The following CHD1L variants were observed in gnomAD, a reference collection of about 807,000 sequenced individuals.
CHD1L encodes the protein chromodomain helicase DNA binding protein 1 like.
A neutral mutation model predicts 115.9 loss-of-function variants in CHD1L; 118 were observed. The ratio of observed to expected loss-of-function variants is 1.02; its 90% CI spans 0.88 to 1.19. The LOEUF (loss-of-function observed/expected upper bound fraction) is 1.19, where lower values mean the gene tolerates loss of function less well. CHD1L is among the 50% of genes most tolerant of loss of function. The probability of loss-of-function intolerance (pLI) is 0.00; values close to 1 mark genes in which losing one functional copy is unlikely to be tolerated. For missense variants in CHD1L, 1,179 were observed against 1,065.3 expected, an observed-to-expected ratio of 1.11 and a Z score of -1.49; for synonymous variants, 411 against 387.1, an observed-to-expected ratio of 1.06 and a Z score of -0.72.
the CHD1L span, chr1:147,203,378 C>A: frequency 9.3e-7 from 1 of 1,080,588 alleles, no homozygotes; most frequent in East Asian, 2.4e-5. Context: ...ACAGTGACTG[C>A]AGCATTAGCA....
intron 8 of CHD1L, among the ~76,000 whole-genome samples, chr1:147,266,757 A>T (rs1438891347): frequency 2.0e-5 from 3 of 152,252 alleles, no homozygotes; most frequent in Non-Finnish European, 4.4e-5. Flanking sequence ...AAAAAAGGTT[A>T]AAGTTCTCAA....
In CHD1L at chr1:147,285,447, GAGA is replaced by G. The variant is rs782433438; in HGVS notation, c.1985_1987del (p.Lys662del). The G allele has an allele frequency of 2.0e-5, 32 of 1,613,486 alleles. No individual in the cohort carries two copies. The highest frequency in any genetic ancestry group is 4.5e-5 in the East Asian group (2 of 44,890). On this transcript the variant is annotated inframe_deletion, in exon 17 of 23. Transcript: ENST00000369258. Reference sequence around the variant, plus strand: ...TGCCAAGAGAAGGAGACTCATAGAGGAGAAGAAGAGGCAAAAGGAAGAGGCTGA... The same window carrying G: ...TGCCAAGAGAAGGAGACTCATAGAGGAGAAGAGGCAAAAGGAAGAGGCTGA...
intron 10 of CHD1L, 33 bp from the exon 11 acceptor site, chr1:147,270,899 C>CT (rs1675912631): frequency 1.3e-6 from 2 of 1,594,218 alleles, no homozygotes; most frequent in Admixed American, 3.3e-5. Flanking sequence ...TACCACTAGA[C>CT]TTGGCAGTGT....
At chr1:147,233,040 A>C in the CHD1L span, among the ~76,000 whole-genome samples, 25 of 151,114 alleles carry the variant, frequency 1.7e-4, no homozygotes, top group East Asian at 3.6e-3. Context: ...CCGCCATCCC[A>C]TCTAGGAAGT....
intron 14 of CHD1L, 87 bp downstream of exon 14, chr1:147,276,344 C>CAGCCA (rs1553120384): frequency 0.67 from 940,069 of 1,395,194 alleles, 319,026 homozygotes; most frequent in African/African-American, 0.7. Flanking sequence ...CAGCACTCAC[C>CAGCCA]CTCTCCCCAG....
At chr1:147,259,766 T>C in intron 5 of CHD1L, 71 bp from the exon 6 acceptor site, 1 of 1,300,356 alleles carries the variant, frequency 7.7e-7, no homozygotes, top group South Asian at 1.2e-5. Context: ...CACAGTTTTG[T>C]AGTAAGACTT....
the CHD1L span, among the ~76,000 whole-genome samples, chr1:147,202,128 C>T: frequency 1.3e-5 from 2 of 152,086 alleles, no homozygotes; most frequent in African/African-American, 4.8e-5. Context: ...GAATTTATCT[C>T]AAAGTTGTTT....
At chr1:147,249,208 G>T (rs1482263399) in intron 1 of CHD1L, among the ~76,000 whole-genome samples, 1 of 152,030 alleles carries the variant, frequency 6.6e-6, no homozygotes, top group African/African-American at 2.4e-5. Context: ...TGGATTGACA[G>T]TTCTTTTCTT....
intron 1 of CHD1L, among the ~76,000 whole-genome samples, chr1:147,248,253 G>C (rs1421771579): frequency 6.6e-6 from 1 of 151,062 alleles, no homozygotes; most frequent in Non-Finnish European, 1.5e-5. Flanking sequence ...TGTTGCCCAG[G>C]CTGGAGTGCA....
chr1:147,280,894 G>A (rs1033703287), intron 15 of CHD1L, among the ~76,000 whole-genome samples: 1 of 152,150 alleles, frequency 6.6e-6, no homozygotes, highest in Non-Finnish European at 1.5e-5. Context: ...GGGGTGAGAG[G>A]TTTGGGAGTC....
the CHD1L span, chr1:147,204,752 C>G: frequency 6.5e-7 from 1 of 1,531,322 alleles, no homozygotes; most frequent in East Asian, 2.2e-5. Flanking sequence ...AACAACTTCT[C>G]CAAGTGGTTG....
the CHD1L span, chr1:147,179,742 A>G: frequency 1.5e-6 from 1 of 648,992 alleles, no homozygotes. Flanking sequence ...AGAGGACAGA[A>G]TGGATATAAT....
chr1:147,256,839 T>C (rs1670327244), intron 5 of CHD1L, among the ~76,000 whole-genome samples: 1 of 152,216 alleles, frequency 6.6e-6, no homozygotes, highest in Non-Finnish European at 1.5e-5. Context: ...TTACGAAAAT[T>C]AAATGAGATT....
rs781878161 is a variant in CHD1L at position 147,252,675 on chromosome 1, C to T, written c.180C>T (p.Arg60=). The change falls in exon 2 of 23, where the codon CGC becomes CGT. Residue 60 remains arginine, a synonymous_variant. Transcript: ENST00000369258. ...QLEGVNWLAQ[R]FHCQNGCILG... is the part of the protein sequence containing the mutation. The stretch of plus-strand genomic sequence containing the variant: ...AGGGAGTAAACTGGCTCGCCCAGCG[C>T]TTCCATTGTCAGAATGGCTGTATCC... 1.2e-6 allele frequency: 2 copies of T among 1,614,128 alleles called. No homozygotes were observed. Among genetic ancestry groups the T allele is most frequent in the Non-Finnish European group, 1.7e-6 (2 of 1,180,018 alleles).
chr1:147,270,261 C>T (rs1553951879), intron 10 of CHD1L, among the ~76,000 whole-genome samples: 1 of 152,204 alleles, frequency 6.6e-6, no homozygotes, highest in African/African-American at 2.4e-5. Flanking sequence ...CAGCCAGTAA[C>T]AAGGGACTCT....
the CHD1L span, chr1:147,184,388 A>G: frequency 4.9e-6 from 6 of 1,229,288 alleles, no homozygotes; most frequent in Non-Finnish European, 6.4e-6. This position sits in a 1 kb window ranked among gnomAD's most constrained non-coding sequence, Gnocchi z 4.4. Context: ...ATATTGATAC[A>G]TTATTAACCA....
chr1:147,210,571 A>G, the CHD1L span: 1 of 152,180 alleles, frequency 6.6e-6, no homozygotes, highest in African/African-American at 2.4e-5. Context: ...AAGAGCATAT[A>G]TGGTCTTAGA....
the CHD1L span, among the ~76,000 whole-genome samples, chr1:147,187,839 A>G: frequency 6.6e-6 from 1 of 152,196 alleles, no homozygotes; most frequent in African/African-American, 2.4e-5. Context: ...TAAAGGGGAA[A>G]ATGTGGTTGA....
At chr1:147,218,682 T>G in the CHD1L span, among the ~76,000 whole-genome samples, 1 of 152,210 alleles carries the variant, frequency 6.6e-6, no homozygotes, top group Admixed American at 6.5e-5. Flanking sequence ...CATTTCACAA[T>G]CTAGCCCGGT....
Sources: gnomAD v4.1 joint callset for allele counts (sites outside exome capture counted in the v4.1 genomes callset) on GRCh38, gnomAD v4.1.1 for gene constraint, Gnocchi (gnomAD v3.1) non-coding constraint, MANE v1.5 for transcripts, NCBI Gene and HGNC (gene_info 2026-07-23, HGNC 2026-07-21) for gene names.